Variants in IGSF10 observed in about 807,000 individuals in gnomAD.
The protein encoded by IGSF10 is immunoglobulin superfamily member 10.
A neutral mutation model predicts 128.2 loss-of-function variants in IGSF10; 126 were observed. The observed-to-expected ratio is 0.98, with a 90% CI of 0.85 to 1.14. The LOEUF (loss-of-function observed/expected upper bound fraction) is 1.14. IGSF10 is among the 50% of genes most tolerant of loss of function. The pLI is 0.00. For missense variants in IGSF10, 3,295 were observed against 3,149.8 expected, an observed-to-expected ratio of 1.05 and a Z score of -1.10; for synonymous variants, 1,185 against 1,146.2, an observed-to-expected ratio of 1.03 and a Z score of -0.68.
At chr3:151,517,396 G>A in the IGSF10 span, among the ~76,000 whole-genome samples, 1 of 152,114 alleles carries the variant, frequency 6.6e-6, no homozygotes, top group South Asian at 2.1e-4. Flanking sequence ...CCTGGCCAAG[G>A]AGGGTACTCC....
At chr3:151,469,261 G>T in the IGSF10 span, among the ~76,000 whole-genome samples, 1 of 152,038 alleles carries the variant, frequency 6.6e-6, no homozygotes, top group Non-Finnish European at 1.5e-5. Flanking sequence ...CCCAGTAATG[G>T]GTTTACTGGG....
Position 151,448,436 on chromosome 3 carries a change from A to T in IGSF10, c.1545T>A (p.Ser515Arg). The T allele has an allele frequency of 6.2e-7, 1 of 1,614,088 alleles. No individual in the cohort carries two copies. The highest frequency in any genetic ancestry group is 1.1e-5 in the South Asian group (1 of 91,080). The change falls in exon 6 of 8, where the codon AGT (serine) becomes AGA (arginine). Residue 515 changes from serine (S) to arginine (R), a missense_variant. Ser to Arg is a moderately radical substitution (Grantham distance 110). Coordinates refer to ENST00000282466, the MANE Select transcript of IGSF10 (RefSeq NM_178822.5). ...PHVDWLLADG[S>R]KVRAPYVSED... ...CACTGACATAAGGGGCTCTCACTTT[A>T]CTTCCATCAGCTAGAAGCCAATCCA...
At chr3:151,495,819 G>C in the IGSF10 span, among the ~76,000 whole-genome samples, 1 of 152,078 alleles carries the variant, frequency 6.6e-6, no homozygotes, top group South Asian at 2.1e-4. Context: ...GAACTATTTA[G>C]ACACAATCTT....
chr3:151,484,820 G>T, the IGSF10 span, among the ~76,000 whole-genome samples: 15 of 151,376 alleles, frequency 9.9e-5, no homozygotes, highest in Non-Finnish European at 2.2e-4. Flanking sequence ...AAAGACAAAA[G>T]GTAGATAATT....
the IGSF10 span, among the ~76,000 whole-genome samples, chr3:151,562,030 C>A: frequency 6.6e-6 from 1 of 152,078 alleles, no homozygotes; most frequent in Non-Finnish European, 1.5e-5. Context: ...GGGCTGAGTA[C>A]AATAAGGCTG....
chr3:151,519,098 A>G, the IGSF10 span, among the ~76,000 whole-genome samples: 1 of 151,932 alleles, frequency 6.6e-6, no homozygotes, highest in South Asian at 2.1e-4. Flanking sequence ...GATTGTTTGT[A>G]TTTGTATTAG....
At chr3:151,594,613 C>T in the IGSF10 span, among the ~76,000 whole-genome samples, 10 of 149,574 alleles carry the variant, frequency 6.7e-5, no homozygotes, top group Admixed American at 4.6e-4. Context: ...TGAGCCACCG[C>T]GCCCGGCCCT....
chr3:151,543,001 T>A, the IGSF10 span, among the ~76,000 whole-genome samples: 1 of 152,222 alleles, frequency 6.6e-6, no homozygotes, highest in Non-Finnish European at 1.5e-5. Context: ...CTATTGATAT[T>A]TTTGTTCAAA....
the IGSF10 span, among the ~76,000 whole-genome samples, chr3:151,597,416 A>C: frequency 1.3e-5 from 2 of 152,224 alleles, no homozygotes; most frequent in East Asian, 3.9e-4. Flanking sequence ...GGAAGCCCAG[A>C]GAGCTGGAGG....
the IGSF10 span, among the ~76,000 whole-genome samples, chr3:151,492,664 A>G: frequency 0.85 from 128,449 of 152,002 alleles, 54,569 homozygotes; most frequent in Middle Eastern, 0.94. Context: ...GTTGCAGTGA[A>G]CCAAGATCGC....
chr3:151,502,997 A>G, the IGSF10 span, among the ~76,000 whole-genome samples: 1 of 152,050 alleles, frequency 6.6e-6, no homozygotes, highest in Non-Finnish European at 1.5e-5. Context: ...TCTCTCCAAA[A>G]TAAATTGGGA....
chr3:151,547,890 C>A, the IGSF10 span, among the ~76,000 whole-genome samples: 2 of 152,196 alleles, frequency 1.3e-5, no homozygotes, highest in Non-Finnish European at 2.9e-5. Flanking sequence ...CCTCACTATA[C>A]AACTTCCAGT....
chr3:151,505,230 C>G, the IGSF10 span, among the ~76,000 whole-genome samples: 1 of 152,176 alleles, frequency 6.6e-6, no homozygotes, highest in Non-Finnish European at 1.5e-5. Flanking sequence ...CCTCAGGAAA[C>G]TTACAATCAT....
chr3:151,540,324 C>T, the IGSF10 span, among the ~76,000 whole-genome samples: 1 of 152,098 alleles, frequency 6.6e-6, no homozygotes, highest in African/African-American at 2.4e-5. Context: ...GGTAAGTTTA[C>T]CTGAATTTCT....
Position 151,437,523 on chromosome 3 carries a change from T to G in IGSF10, c.7038A>C (p.Lys2346Asn), listed in dbSNP as rs1253310136. The G allele has an allele frequency of 6.2e-7, 1 of 1,614,068 alleles. No homozygotes were observed. Residue 2346 changes from lysine (K) to asparagine (N), a missense_variant, in exon 8 of 8, where the codon AAA (lysine) becomes AAC (asparagine). Lys to Asn is a moderately conservative substitution (Grantham distance 94, BLOSUM62 0). Transcript: ENST00000282466. ...RPTFRNPFNE[K>N]IVAQLGKSTA... ...TGGACTTTCCCAGCTGGGCAACTAT[T>G]TTTTCATTAAATGGATTTCTAAATG...
At chr3:151,502,912 T>C in the IGSF10 span, among the ~76,000 whole-genome samples, 5 of 152,108 alleles carry the variant, frequency 3.3e-5, no homozygotes, top group Admixed American at 6.6e-5. Flanking sequence ...ACTTCTATTT[T>C]GAAAGGCTTT....
upstream of IGSF10, among the ~76,000 whole-genome samples, chr3:151,462,882 G>A (rs990821071): frequency 1.3e-5 from 2 of 152,182 alleles, no homozygotes; most frequent in African/African-American, 2.4e-5. Flanking sequence ...AAACTTGGAT[G>A]CTTGCTTTGG....
the IGSF10 span, among the ~76,000 whole-genome samples, chr3:151,494,179 C>A: frequency 2.0e-5 from 3 of 152,008 alleles, no homozygotes; most frequent in East Asian, 5.8e-4. Context: ...TGGAAAGAGA[C>A]CCAGGATTCC....
Position 151,445,092 on chromosome 3 carries a change from G to C in IGSF10, c.4889C>G (p.Thr1630Arg), listed in dbSNP as rs748297887. Reference sequence around the variant, plus strand: ...GTCAAAGGGAAGGAGTTTGGAAGTTGTTGCTTCTTGAACTGGTTTCTTATC... The same window carrying C: ...GTCAAAGGGAAGGAGTTTGGAAGTTCTTGCTTCTTGAACTGGTTTCTTATC... ...DFDKKPVQEA[T>R]TSKLLPFDSL... Residue 1630 changes from threonine to arginine, a missense_variant, in exon 6 of 8, where the codon ACA (threonine) becomes AGA (arginine). Transcript: ENST00000282466. The C allele has an allele frequency of 1.9e-6, 3 of 1,614,024 alleles. No homozygotes were observed. The African/African-American group carries it at 4.0e-5, about 22-fold the overall frequency.
Sources: allele counts gnomAD v4.1 joint callset (sites outside exome capture counted in the v4.1 genomes callset), GRCh38; gene constraint gnomAD v4.1.1; transcripts MANE v1.5; gene names NCBI Gene and HGNC (gene_info 2026-07-23, HGNC 2026-07-21).